Variants in CADM2 observed in about 807,000 individuals in gnomAD.
CADM2 encodes the protein cell adhesion molecule 2.
Under a neutral mutation model 49.8 loss-of-function variants are expected in CADM2, and 12 were observed. The ratio of observed to expected loss-of-function variants is 0.24; its 90% CI spans 0.15 to 0.39. The LOEUF (loss-of-function observed/expected upper bound fraction) is 0.39, where lower values mean the gene tolerates loss of function less well. Ranked by LOEUF, CADM2 falls within the 10% of genes least tolerant of loss-of-function variation. CADM2 has a pLI of 1.00. For missense variants in CADM2, 378 were observed against 492.3 expected (o/e 0.77, Z 2.20); for synonymous variants, 214 against 175.4 (o/e 1.22, Z -1.74).
intron 8 of CADM2, among the ~76,000 whole-genome samples, chr3:85,997,450 A>G (rs1309808259): frequency 6.6e-6 from 1 of 152,140 alleles, no homozygotes; most frequent in Non-Finnish European, 1.5e-5. Context: ...TTTTATTTTA[A>G]AACTTTTCCT....
intron 1 of CADM2, among the ~76,000 whole-genome samples, chr3:85,203,913 A>T (rs1334798945): frequency 6.6e-6 from 1 of 152,192 alleles, no homozygotes; most frequent in African/African-American, 2.4e-5. Context: ...TCCTATTTTC[A>T]TTTAATAGCT....
At chr3:86,025,603 A>T (rs1733817678) in intron 8 of CADM2, among the ~76,000 whole-genome samples, 1 of 152,162 alleles carries the variant, frequency 6.6e-6, no homozygotes, top group Non-Finnish European at 1.5e-5. Context: ...TACACTTGGC[A>T]GACCTTGGGA....
At chr3:85,236,446 T>C (rs1407923984) in intron 1 of CADM2, among the ~76,000 whole-genome samples, 1 of 152,098 alleles carries the variant, frequency 6.6e-6, no homozygotes, top group South Asian at 2.1e-4. Context: ...GTCAAAGTTA[T>C]ACTTGATATG....
intron 1 of CADM2, among the ~76,000 whole-genome samples, chr3:85,375,332 C>A (rs1221375828): frequency 6.6e-6 from 1 of 152,184 alleles, no homozygotes; most frequent in Non-Finnish European, 1.5e-5. Context: ...TTCACTTTTT[C>A]TTCCTATCTC....
chr3:86,025,175 C>T (rs146257075), intron 8 of CADM2, among the ~76,000 whole-genome samples: 4,630 of 152,078 alleles, frequency 0.03, 158 homozygotes, highest in Non-Finnish European at 0.039. Context: ...CCTGCCTCAG[C>T]CTCCTGAGTA....
At chr3:85,065,404 T>C (rs1456094921) in intron 1 of CADM2, among the ~76,000 whole-genome samples, 1 of 152,134 alleles carries the variant, frequency 6.6e-6, no homozygotes, top group Non-Finnish European at 1.5e-5. Flanking sequence ...TACTATTAAT[T>C]AATGTGTTGT....
At chr3:85,054,021 C>T (rs1426071584) in intron 1 of CADM2, among the ~76,000 whole-genome samples, 1 of 151,840 alleles carries the variant, frequency 6.6e-6, no homozygotes, top group Non-Finnish European at 1.5e-5. Flanking sequence ...ATTTAATTAT[C>T]ACACTAATCA....
rs569754863 is a variant in CADM2 at position 86,006,725 on chromosome 3, C to G, written c.970+45078C>G. Among the ~76,000 whole-genome samples the G allele has an allele frequency of 4.6e-5, 7 of 152,156 alleles. No individual in the cohort carries two copies. The East Asian group carries it at 9.7e-4, about 21-fold the overall frequency. On this transcript the variant is annotated intron_variant, in intron 8 of 9. Coordinates refer to ENST00000383699, the MANE Select transcript of CADM2 (RefSeq NM_001167675.2). The stretch of plus-strand genomic sequence containing the variant: ...CACAAATTCCTTTTGTGGCATCTTT[C>G]TAGAGCACTGGGTCTTACTAATTTA...
chr3:85,274,755 A>G (rs1452171304), intron 1 of CADM2, among the ~76,000 whole-genome samples: 1 of 151,524 alleles, frequency 6.6e-6, no homozygotes. Context: ...GTCTTCGTGG[A>G]GTTTCATGGA....
intron 1 of CADM2, among the ~76,000 whole-genome samples, chr3:85,450,572 T>C (rs2037707671): frequency 6.6e-6 from 1 of 152,044 alleles, no homozygotes; most frequent in South Asian, 2.1e-4. Flanking sequence ...TTTTTACAAG[T>C]TATATTTTCA....
intron 1 of CADM2, among the ~76,000 whole-genome samples, chr3:85,102,959 A>G (rs918510813): frequency 1.3e-5 from 2 of 152,174 alleles, no homozygotes; most frequent in African/African-American, 4.8e-5. Flanking sequence ...ACATTTTTGA[A>G]TAGCTATATA....
intron 1 of CADM2, among the ~76,000 whole-genome samples, chr3:85,483,712 T>C (rs67174538): frequency 0.3 from 44,359 of 150,126 alleles, 7,787 homozygotes; most frequent in East Asian, 0.53. Flanking sequence ...CAGATATGTA[T>C]ATAATAGAAT....
At chr3:85,136,090 A>G (rs1206183113) in intron 1 of CADM2, among the ~76,000 whole-genome samples, 1 of 152,018 alleles carries the variant, frequency 6.6e-6, no homozygotes, top group Non-Finnish European at 1.5e-5. Context: ...AGAAGTAGGC[A>G]GAAAGAGGGT....
At chr3:85,141,456 A>C (rs1029589815) in intron 1 of CADM2, among the ~76,000 whole-genome samples, 1 of 152,194 alleles carries the variant, frequency 6.6e-6, no homozygotes, top group Non-Finnish European at 1.5e-5. Context: ...AGTAGTAGTG[A>C]TAGTAGTGGT....
At position 85,200,969 on chromosome 3, in the gene CADM2, C is replaced by T. The variant is rs139742466; in HGVS notation, c.61+241301C>T. Among the ~76,000 whole-genome samples, 359 of 152,234 alleles carry T rather than the reference C, an allele frequency of 2.4e-3. 5 individuals are homozygous for T. Among genetic ancestry groups the T allele is most frequent in the East Asian group, 1.7e-3 (9 of 5,178 alleles). ...ATACAAATGTGTGTGCTCTAACTTA[C>T]TTTACATGTGCATAATTAAATAGAC... On this transcript the variant is annotated intron_variant, in intron 1 of 9. Transcript: ENST00000383699.
intron 8 of CADM2, among the ~76,000 whole-genome samples, chr3:86,061,193 A>G (rs988401244): frequency 3.3e-5 from 5 of 152,054 alleles, no homozygotes; most frequent in Non-Finnish European, 5.9e-5. Context: ...ATAATACACT[A>G]TATAAAGCAA....
intron 3 of CADM2, among the ~76,000 whole-genome samples, chr3:85,873,529 G>T (rs1247261854): frequency 6.6e-6 from 1 of 152,082 alleles, no homozygotes; most frequent in Non-Finnish European, 1.5e-5. Context: ...AGTCAGGCAT[G>T]GTGGTGTGTG....
At chr3:85,988,802 A>T (rs1728425756) in intron 8 of CADM2, among the ~76,000 whole-genome samples, 1 of 152,176 alleles carries the variant, frequency 6.6e-6, no homozygotes, top group South Asian at 2.1e-4. Context: ...TAGAAAAAAG[A>T]GATGGACTCA....
At chr3:85,295,247 T>C (rs1327205528) in intron 1 of CADM2, among the ~76,000 whole-genome samples, 1 of 151,976 alleles carries the variant, frequency 6.6e-6, no homozygotes, top group African/African-American at 2.4e-5. Context: ...TGAGATACCA[T>C]CTCACACCAG....
Sources: gnomAD v4.1 joint callset for allele counts (sites outside exome capture counted in the v4.1 genomes callset) on GRCh38, gnomAD v4.1.1 for gene constraint, MANE v1.5 for transcripts, NCBI Gene and HGNC (gene_info 2026-07-23, HGNC 2026-07-21) for gene names.